ARHGAP28: variants seen among roughly 807,000 people sequenced by gnomAD.
ARHGAP28 encodes Rho GTPase activating protein 28.
A neutral mutation model predicts 90.7 loss-of-function variants in ARHGAP28; 56 were observed. That is an observed-to-expected ratio of 0.62 (90% CI 0.50 to 0.77). The LOEUF is 0.77. Ranked by LOEUF, ARHGAP28 falls within the 30% of genes least tolerant of loss-of-function variation. The pLI, the probability that ARHGAP28 is intolerant of heterozygous loss-of-function variation, is 0.00. For missense variants in ARHGAP28, 869 were observed against 900.9 expected (o/e 0.96, Z 0.45); for synonymous variants, 308 against 323.3 (o/e 0.95, Z 0.51).
At chr18:6,819,516 G>A (rs1251339956) in intron 1 of ARHGAP28, among the ~76,000 whole-genome samples, 1 of 152,180 alleles carries the variant, frequency 6.6e-6, no homozygotes, top group Non-Finnish European at 1.5e-5. Flanking sequence ...GGTCATACCT[G>A]TCTAGGTGGA....
intron 5 of ARHGAP28, among the ~76,000 whole-genome samples, chr18:6,861,658 G>A (rs1227273031): frequency 6.6e-6 from 1 of 152,318 alleles, no homozygotes; most frequent in Middle Eastern, 3.4e-3. Flanking sequence ...AGTTGCCAAA[G>A]GAGAGGATGG....
intron 11 of ARHGAP28, among the ~76,000 whole-genome samples, chr18:6,884,498 T>C (rs2057205004): frequency 6.6e-6 from 1 of 152,266 alleles, no homozygotes; most frequent in African/African-American, 2.4e-5. Flanking sequence ...AATTTAAAGC[T>C]TATTCTGAAC....
chr18:6,907,665 GAGA>G (rs1446563185), intron 16 of ARHGAP28, among the ~76,000 whole-genome samples: 1 of 152,174 alleles, frequency 6.6e-6, no homozygotes, highest in Non-Finnish European at 1.5e-5. Flanking sequence ...GTAGGATGGG[GAGA>G]AGGAGTGAAT....
At chr18:6,839,454 T>G (rs34641178) in intron 3 of ARHGAP28, among the ~76,000 whole-genome samples, 2 of 152,064 alleles carry the variant, frequency 1.3e-5, no homozygotes, top group Admixed American at 1.3e-4. Context: ...CCACCACGCC[T>G]GGCTAATTTT....
chr18:6,789,520 A>G (rs943113149), intron 1 of ARHGAP28: 1 of 152,250 alleles, frequency 6.6e-6, no homozygotes, highest in Non-Finnish European at 1.5e-5. Flanking sequence ...AGTTGCAGTG[A>G]GCTGAGATGG....
At chr18:6,740,929 A>G (rs890163319) in intron 1 of ARHGAP28, among the ~76,000 whole-genome samples, 11 of 152,210 alleles carry the variant, frequency 7.2e-5, no homozygotes, top group Admixed American at 5.2e-4. Flanking sequence ...CAGGCCCACA[A>G]TGTGGGCTAC....
chr18:6,876,927 C>T (rs2057135746), intron 10 of ARHGAP28, among the ~76,000 whole-genome samples: 1 of 152,162 alleles, frequency 6.6e-6, no homozygotes, highest in Non-Finnish European at 1.5e-5. Flanking sequence ...CAAAACATCC[C>T]ACTGTGTCTG....
Position 6,851,084 on chromosome 18 carries a change from A to G in ARHGAP28, c.594A>G (p.Glu198=), listed in dbSNP as rs201419062. The change falls in exon 4 of 18, where the codon GAA becomes GAG. Residue 198 remains glutamate (E), a synonymous_variant. Coordinates refer to ENST00000383472, the MANE Select transcript of ARHGAP28 (RefSeq NM_001366230.1). ...NHTNQLDGTK[E]ERELPRVIKT... ...CTAATCAGCTGGATGGCACCAAGGA[A>G]GAAAGAGAGCTTCCAAGAGTTATCA... 6.2e-7 allele frequency: 1 copy of G among 1,614,164 alleles called. No individual in the cohort carries two copies.
intron 1 of ARHGAP28, among the ~76,000 whole-genome samples, chr18:6,755,203 G>T (rs1054436613): frequency 2.0e-5 from 3 of 152,090 alleles, no homozygotes; most frequent in African/African-American, 7.2e-5. Flanking sequence ...ATTTTTGGAA[G>T]AATTTTAATG....
chr18:6,805,106 C>T (rs2056508445), intron 1 of ARHGAP28, among the ~76,000 whole-genome samples: 2 of 152,100 alleles, frequency 1.3e-5, no homozygotes, highest in Admixed American at 1.3e-4. Context: ...ACTACAGGTA[C>T]ATCAGGCACA....
intron 1 of ARHGAP28, among the ~76,000 whole-genome samples, chr18:6,731,291 C>CGTGTGT (rs60399521): frequency 1.1e-4 from 17 of 149,474 alleles, no homozygotes; most frequent in Admixed American, 2.7e-4. Flanking sequence ...TATATGTGTG[C>CGTGTGT]GTGTGTGTGT....
intron 1 of ARHGAP28, among the ~76,000 whole-genome samples, chr18:6,806,570 G>A (rs1267187119): frequency 6.6e-6 from 1 of 151,848 alleles, no homozygotes; most frequent in East Asian, 1.9e-4. Flanking sequence ...GTCCACTTCT[G>A]TATCTCCTTC....
intron 1 of ARHGAP28, among the ~76,000 whole-genome samples, chr18:6,752,801 C>A (rs1429219226): frequency 6.6e-6 from 1 of 152,132 alleles, no homozygotes; most frequent in African/African-American, 2.4e-5. Context: ...ACTCTCTGAC[C>A]ACCCCTGGTC....
chr18:6,914,564 C>T lies in ARHGAP28; in HGVS notation c.*2410C>T, dbSNP rs1423042957. 2 of 142,212 alleles carry T rather than the reference C, an allele frequency of 1.4e-5. No homozygotes were observed. The highest frequency in any genetic ancestry group is 5.3e-5 in the African/African-American group (2 of 38,084). 8.8% of individuals were successfully genotyped at this position (142,212 alleles called of 1,614,324 possible). ...GTTAAAATGCAAAGATGCCTGTCAT[C>T]TAAGTATTGAAAGAATTTTTGCCTT... On this transcript the variant is annotated 3_prime_UTR_variant, in exon 18 of 18. Transcript: ENST00000383472.
chr18:6,876,090 T>C lies in ARHGAP28; in HGVS notation c.1213-41T>C, dbSNP rs1297045803. On this transcript the variant is annotated intron_variant, in intron 9 of 17. Coordinates refer to ENST00000383472, the MANE Select transcript of ARHGAP28 (RefSeq NM_001366230.1). The stretch of plus-strand genomic sequence containing the variant: ...TTACTGTTTCATATGTTTATGATCA[T>C]ATAGAGGTACTTATTCTGGTAATAT... 3.5e-6 allele frequency: 5 copies of C among 1,426,878 alleles called. 1 individual carries two copies. The South Asian group carries it at 5.7e-5, about 16-fold the overall frequency. 88.4% of individuals were successfully genotyped at this position (1,426,878 alleles called of 1,614,324 possible).
intron 1 of ARHGAP28, among the ~76,000 whole-genome samples, chr18:6,785,288 G>A (rs906476495): frequency 6.6e-6 from 1 of 152,140 alleles, no homozygotes; most frequent in Admixed American, 6.6e-5. Flanking sequence ...TTTTAAAAAA[G>A]AAACAGTGGC....
intron 2 of ARHGAP28, among the ~76,000 whole-genome samples, chr18:6,834,856 T>G (rs2056741211): frequency 1.3e-5 from 2 of 152,266 alleles, no homozygotes; most frequent in Admixed American, 1.3e-4. Flanking sequence ...TTACATTGGA[T>G]GGTGGGTTTC....
At chr18:6,821,323 T>C (rs2056625351) in intron 1 of ARHGAP28, among the ~76,000 whole-genome samples, 2 of 152,240 alleles carry the variant, frequency 1.3e-5, no homozygotes, top group Admixed American at 6.5e-5. Context: ...AATTTAATTT[T>C]AAACCTTGTG....
intron 1 of ARHGAP28, among the ~76,000 whole-genome samples, chr18:6,784,982 C>G (rs907517609): frequency 9.9e-5 from 15 of 152,114 alleles, no homozygotes; most frequent in Admixed American, 9.8e-4. Flanking sequence ...CTGTGGACAA[C>G]CAGGGTCTGA....
Sources: allele counts gnomAD v4.1 joint callset (sites outside exome capture counted in the v4.1 genomes callset), GRCh38; gene constraint gnomAD v4.1.1; transcripts MANE v1.5; gene names NCBI Gene and HGNC (gene_info 2026-07-23, HGNC 2026-07-21).